KDM2B: variants seen among roughly 807,000 people sequenced by gnomAD.
KDM2B encodes the protein lysine demethylase 2B.
A neutral mutation model predicts 150.0 loss-of-function variants in KDM2B; 26 were observed. The ratio of observed to expected loss-of-function variants is 0.17; its 90% CI spans 0.13 to 0.24. KDM2B has a LOEUF of 0.24. Among genes scored for constraint, KDM2B ranks in the 10% least tolerant of loss-of-function variants. KDM2B has a pLI of 1.00. For synonymous variants in KDM2B, 734 were observed against 729.5 expected, an observed-to-expected ratio of 1.01 and a Z score of -0.10; for missense variants, 1,265 against 1,816.9, an observed-to-expected ratio of 0.70 and a Z score of 5.52.
At chr12:121,462,277 C>T (rs1261861321) in intron 12 of KDM2B, among the ~76,000 whole-genome samples, 5 of 152,036 alleles carry the variant, frequency 3.3e-5, no homozygotes, top group African/African-American at 1.2e-4. Context: ...TTAACACACG[C>T]CTGTAGACTC....
chr12:121,519,604 A>G (rs1211827250), intron 9 of KDM2B, among the ~76,000 whole-genome samples: 1 of 152,156 alleles, frequency 6.6e-6, no homozygotes, highest in African/African-American at 2.4e-5. Context: ...TAGAAAATAG[A>G]TTAGGGCTAG....
rs553142302 is a variant in KDM2B, at chr12:121,443,372, G to A, written c.2565+308C>T. 1.3e-4 allele frequency: 74 copies of A among 577,942 alleles called. No individual in the cohort carries two copies. In the South Asian group the frequency reaches 1.5e-3, roughly 12 times the overall value. The allele number at this position is 577,942 out of a possible 1,614,324, so 35.8% of individuals were successfully genotyped here. A position where few individuals can be genotyped will look rare whatever the true frequency, so the allele number is the denominator to read the frequency against. On this transcript the variant is annotated intron_variant, in intron 17 of 22. Coordinates refer to ENST00000377071, the MANE Select transcript of KDM2B (RefSeq NM_032590.5). The stretch of plus-strand genomic sequence containing the variant: ...GGGAATCCCCGGCCCAGCAGGAATG[G>A]CTAGAGCTGGGAGAGACTCCTGGCG...
At chr12:121,512,608 G>T (rs573968212) in intron 10 of KDM2B, among the ~76,000 whole-genome samples, 1 of 152,078 alleles carries the variant, frequency 6.6e-6, no homozygotes, top group Non-Finnish European at 1.5e-5. Context: ...AGACGCAGCC[G>T]AGAGGAATCA....
At chr12:121,413,030 T>TC in the KDM2B span, among the ~76,000 whole-genome samples, 2 of 140,352 alleles carry the variant, frequency 1.4e-5, no homozygotes, top group African/African-American at 5.8e-5. Context: ...ATTTTTTTTT[T>TC]CCTTCCTCTT....
intron 6 of KDM2B, among the ~76,000 whole-genome samples, chr12:121,539,135 CTAA>C (rs1370140604): frequency 5.9e-5 from 9 of 151,744 alleles, no homozygotes; most frequent in African/African-American, 1.7e-4. Context: ...ATTACCAGTG[CTAA>C]TAATAATAAT....
chr12:121,488,447 G>A (rs1883006334), intron 12 of KDM2B, among the ~76,000 whole-genome samples: 1 of 152,130 alleles, frequency 6.6e-6, no homozygotes, highest in Non-Finnish European at 1.5e-5. Context: ...CGCAAGAAAG[G>A]CGCTGTTAGC....
chr12:121,559,830 G>A (rs1230260642), intron 4 of KDM2B, among the ~76,000 whole-genome samples: 4 of 151,528 alleles, frequency 2.6e-5, no homozygotes, highest in East Asian at 3.9e-4. Flanking sequence ...TTAAACCCGG[G>A]AGGCAGAGGT....
chr12:121,464,436 G>A (rs1237877189), intron 12 of KDM2B, among the ~76,000 whole-genome samples: 1 of 152,340 alleles, frequency 6.6e-6, no homozygotes, highest in African/African-American at 2.4e-5. Context: ...CTCGCTCACC[G>A]CGGGCCCATC....
intron 11 of KDM2B, among the ~76,000 whole-genome samples, chr12:121,496,318 CAA>C (rs782561267): frequency 9.9e-5 from 15 of 152,012 alleles, no homozygotes; most frequent in Non-Finnish European, 2.9e-5. Context: ...TTGAATTGTA[CAA>C]AAACATTTTT....
chr12:121,580,262 G>C (rs910113157), intron 1 of KDM2B: 2 of 1,112,876 alleles, frequency 1.8e-6, no homozygotes, highest in South Asian at 3.0e-5. Context: ...TGGGGGGGGG[G>C]AGGCGTCGAC....
intron 22 of KDM2B, chr12:121,433,163 C>G (rs913241184): frequency 3.9e-5 from 18 of 456,624 alleles, no homozygotes; most frequent in African/African-American, 3.4e-4. Flanking sequence ...TTGTGGTTCA[C>G]ATATTCCCCA....
rs35874014 is a variant in KDM2B, at chr12:121,438,253, C to CAA, written c.3829+1602_3829+1603dup. The stretch of plus-strand genomic sequence containing the variant: ...TGGGTGACAGAGCAAGGCTCCATCT[C>CAA]AAAAAAAAAAAAAAAAGAATGCAGA... On this transcript the variant is annotated intron_variant, in intron 22 of 22. Transcript: ENST00000377071. Among the ~76,000 whole-genome samples, 501 of 97,140 alleles carry CAA rather than the reference C, an allele frequency of 5.2e-3. 3 individuals are homozygous for CAA. The highest frequency in any genetic ancestry group is 0.013 in the South Asian group (44 of 3,346). 63.7% of individuals were successfully genotyped at this position (97,140 alleles called of 152,430 possible).
rs907177990 is a variant in KDM2B, at chr12:121,537,169, G to A, written c.684-2579C>T. 1 of 152,200 alleles carries A rather than the reference G, an allele frequency of 6.6e-6. No homozygotes were observed. The highest frequency in any genetic ancestry group is 1.5e-5 in the Non-Finnish European group (1 of 68,062). The allele number at this position is 152,200 out of a possible 1,614,324, so 9.4% of individuals were successfully genotyped here. On this transcript the variant is annotated intron_variant, in intron 6 of 22. Transcript: ENST00000377071. This position sits in a 1 kb window ranked among gnomAD's most constrained non-coding sequence, Gnocchi z 8.7. Reference sequence around the variant, plus strand: ...CCCACCCCGCGATCGCAGGCATTAGGGGAGCCAGGGTGGCTGGGACAGCGC... The same window carrying A: ...CCCACCCCGCGATCGCAGGCATTAGAGGAGCCAGGGTGGCTGGGACAGCGC...
rs374311729 is a variant in KDM2B, at chr12:121,451,964, T to TA, written c.1959+1155dup. Reference sequence around the variant, plus strand: ...ATACACTTTCAGTATTAATCGGCCATAAAAAAAAAGGAAATTGTCATATGC... The same window carrying TA: ...ATACACTTTCAGTATTAATCGGCCATAAAAAAAAAAGGAAATTGTCATATGC... On this transcript the variant is annotated intron_variant, in intron 13 of 22. Coordinates refer to ENST00000377071, the MANE Select transcript of KDM2B (RefSeq NM_032590.5). Among the ~76,000 whole-genome samples, 146 of 149,670 alleles carry TA rather than the reference T, an allele frequency of 9.8e-4. No homozygotes were observed. In the South Asian group the frequency reaches 0.016, roughly 16 times the overall value.
At chr12:121,544,746 C>T (rs1888886191) in intron 6 of KDM2B, among the ~76,000 whole-genome samples, 1 of 152,086 alleles carries the variant, frequency 6.6e-6, no homozygotes, top group Admixed American at 6.5e-5. Context: ...AACCCTGTCT[C>T]TACTAAAAAT....
the KDM2B span, chr12:121,417,868 T>C: frequency 6.2e-7 from 1 of 1,614,092 alleles, no homozygotes; most frequent in Non-Finnish European, 8.5e-7. This position sits in a 1 kb window ranked among gnomAD's most constrained non-coding sequence, Gnocchi z 5.0. Flanking sequence ...CAGGGAGAGC[T>C]TATGGATGGA....
At chr12:121,456,437 C>T (rs1878251977) in intron 12 of KDM2B, among the ~76,000 whole-genome samples, 1 of 152,216 alleles carries the variant, frequency 6.6e-6, no homozygotes. Context: ...GCTCACTCTT[C>T]AAATACCTGG....
Position 121,520,945 on chromosome 12 carries a change from G to T in KDM2B, c.1047+40C>A. 10 of 1,512,194 alleles carry T rather than the reference G, an allele frequency of 6.6e-6. No homozygotes were observed. Among genetic ancestry groups the T allele is most frequent in the Non-Finnish European group, 9.2e-6 (10 of 1,088,390 alleles). The allele number at this position is 1,512,194 out of a possible 1,614,324, so 93.7% of individuals were successfully genotyped here. A position where few individuals can be genotyped will look rare whatever the true frequency, so the allele number is the denominator to read the frequency against. ...ACACCGAGCACCGGCAGAGCTCAGG[G>T]GCCAGGCGCGCACGCGAGGACAGAA... On this transcript the variant is annotated intron_variant, in intron 9 of 22. Coordinates refer to ENST00000377071, the MANE Select transcript of KDM2B (RefSeq NM_032590.5). The surrounding 1 kb of genome is among the most constrained non-coding windows in gnomAD (Gnocchi z 4.5).
At chr12:121,426,444 T>TCCCCCCC (rs1246536927), downstream of KDM2B, among the ~76,000 whole-genome samples, 1 of 114,026 alleles carries the variant, frequency 8.8e-6, no homozygotes, top group African/African-American at 3.9e-5. Flanking sequence ...TTCTACCCCC[T>TCCCCCCC]CCCCCCCCTT....
Sources: allele counts gnomAD v4.1 joint callset (sites outside exome capture counted in the v4.1 genomes callset), GRCh38; gene constraint gnomAD v4.1.1; non-coding constraint Gnocchi (gnomAD v3.1); transcripts MANE v1.5; gene names NCBI Gene and HGNC (gene_info 2026-07-23, HGNC 2026-07-21).